The following ABI3BP variants were observed in gnomAD, a reference collection of about 807,000 sequenced individuals.
ABI3BP encodes ABI family member 3 binding protein, also known as target of Nesh-SH3.
Under a neutral mutation model 268.6 loss-of-function variants are expected in ABI3BP, and 216 were observed. The observed-to-expected ratio is 0.80, with a 90% CI of 0.72 to 0.90. The LOEUF is 0.90. ABI3BP is among the 40% of genes least tolerant of loss of function. The pLI, the probability that ABI3BP is intolerant of heterozygous loss-of-function variation, is 0.00. For missense variants in ABI3BP, 2,090 were observed against 2,182.4 expected, an observed-to-expected ratio of 0.96 and a Z score of 0.84; for synonymous variants, 730 against 730.0, an observed-to-expected ratio of 1.00 and a Z score of 0.00.
chr3:100,810,675 C>G (rs958498267), intron 48 of ABI3BP, among the ~76,000 whole-genome samples, 198 bp from the exon 49 acceptor site: 1 of 152,072 alleles, frequency 6.6e-6, no homozygotes. Context: ...CAAAGTACTT[C>G]TAAAGTTCTC....
chr3:100,939,264 G>A (rs2067726380), intron 1 of ABI3BP, among the ~76,000 whole-genome samples: 1 of 152,098 alleles, frequency 6.6e-6, no homozygotes, highest in Non-Finnish European at 1.5e-5. Flanking sequence ...AAAGAGGGAT[G>A]TCGCTGACAG....
At chr3:100,778,610 A>G (rs534627997) in intron 58 of ABI3BP, 2 of 480,442 alleles carry the variant, frequency 4.2e-6, no homozygotes, top group Admixed American at 4.0e-5. Context: ...ACATGTCCTC[A>G]TTATAGATGA....
chr3:100,829,597 C>T lies in ABI3BP; in HGVS notation c.2526G>A (p.Glu842=), dbSNP rs1445655604. 1.1e-5 allele frequency: 17 copies of T among 1,535,414 alleles called. No individual in the cohort carries two copies. The highest frequency in any genetic ancestry group is 1.4e-5 in the Non-Finnish European group (16 of 1,146,384). ...CAAATTTACCCAGTTCAGTCTGAAG[C>T]TCTTCGGGACTCAGTGTGGTTTTAG... ...PKPKTTLSPE[E]LQTELVPATI... The change falls in exon 33 of 68, where the codon GAG becomes GAA. Residue 842 remains glutamate (E), a synonymous_variant. Coordinates refer to ENST00000471714, the MANE Select transcript of ABI3BP (RefSeq NM_001375547.2).
chr3:100,831,230 A>T (rs965774782), intron 31 of ABI3BP, among the ~76,000 whole-genome samples: 1 of 152,052 alleles, frequency 6.6e-6, no homozygotes, highest in Non-Finnish European at 1.5e-5. Flanking sequence ...GAATAGGTGC[A>T]TGTGCTGGGG....
intron 2 of ABI3BP, among the ~76,000 whole-genome samples, chr3:100,909,093 A>G (rs149095558): frequency 0.11 from 16,262 of 152,212 alleles, 1,110 homozygotes; most frequent in Non-Finnish European, 0.15. Context: ...GAGGCCTCAG[A>G]AATAACAGCA....
chr3:100,988,926 A>G (rs749455321), intron 1 of ABI3BP, among the ~76,000 whole-genome samples: 33 of 152,198 alleles, frequency 2.2e-4, no homozygotes, highest in Non-Finnish European at 3.5e-4. Context: ...CTGAGGCACA[A>G]TTTTATGCTC....
In ABI3BP at chr3:100,778,279, C is replaced by T. The variant is rs542058741; in HGVS notation, c.4333+5G>A. ...CGGGAAAAGGAAGGTACATGACTAA[C>T]GTACCTGCACTTCCTGGCTTTCCAG... On this transcript the variant is annotated splice_donor_5th_base_variant and intron_variant, in intron 59 of 67. Transcript: ENST00000471714. 13 of 1,612,614 alleles carry T rather than the reference C, an allele frequency of 8.1e-6. No individual in the cohort carries two copies. Among genetic ancestry groups the T allele is most frequent in the Admixed American group, 5.0e-5 (3 of 59,952 alleles).
Position 100,810,396 on chromosome 3 carries a change from A to C in ABI3BP, c.3607+16T>G. On this transcript the variant is annotated intron_variant, in intron 49 of 67. Transcript: ENST00000471714. ...AACACTCACCTCATATATGACATAC[A>C]AAATAATGTATTTACCAGGTTCAGT... 1 of 1,526,186 alleles carries C rather than the reference A, an allele frequency of 6.6e-7. No individual in the cohort carries two copies. Among genetic ancestry groups the C allele is most frequent in the Non-Finnish European group, 8.8e-7 (1 of 1,138,318 alleles). The allele number at this position is 1,526,186 out of a possible 1,614,324, so 94.5% of individuals were successfully genotyped here.
intron 2 of ABI3BP, among the ~76,000 whole-genome samples, chr3:100,907,220 C>A (rs1182366474): frequency 6.6e-6 from 1 of 152,154 alleles, no homozygotes; most frequent in South Asian, 2.1e-4. Flanking sequence ...AAAGGCCAGG[C>A]ATGGTGGCTC....
intron 3 of ABI3BP, among the ~76,000 whole-genome samples, chr3:100,900,515 T>A (rs1327603972): frequency 6.6e-6 from 1 of 152,220 alleles, no homozygotes; most frequent in Non-Finnish European, 1.5e-5. Context: ...TGGCTCTCTA[T>A]GTATAAAAAT....
At chr3:100,967,125 CTAATA>C (rs2081628244) in intron 1 of ABI3BP, among the ~76,000 whole-genome samples, 1 of 152,034 alleles carries the variant, frequency 6.6e-6, no homozygotes, top group Admixed American at 6.6e-5. Flanking sequence ...TGAATTCTGA[CTAATA>C]AAGGTAAATC....
chr3:100,829,465 C>A, intron 33 of ABI3BP, 116 bp downstream of exon 33: 1 of 915,158 alleles, frequency 1.1e-6, no homozygotes, highest in Non-Finnish European at 1.7e-6. Context: ...CAGCCCTGTT[C>A]CTCATTGCCT....
chr3:100,949,334 C>T (rs2073928783), intron 1 of ABI3BP, among the ~76,000 whole-genome samples: 1 of 152,218 alleles, frequency 6.6e-6, no homozygotes, highest in African/African-American at 2.4e-5. Flanking sequence ...TGGCTCACTG[C>T]AGCTTCTGCC....
chr3:100,804,817 A>G lies in ABI3BP; in HGVS notation c.3732T>C (p.Ser1244=). The G allele has an allele frequency of 1.2e-6, 2 of 1,613,126 alleles. No individual in the cohort carries two copies. Among genetic ancestry groups the G allele is most frequent in the African/African-American group, 2.7e-5 (2 of 75,006 alleles). The change falls in exon 51 of 68, where the codon AGT becomes AGC. Residue 1244 remains serine (S), a synonymous_variant. Transcript: ENST00000471714. The stretch of plus-strand genomic sequence containing the variant: ...CAGGTGTGGTGTATGACACTTCTGG[A>G]CTTGGTGACGTTTTTGGTTTTGCAG... ...RVTAKPKTSP[S]PEVSYTTPAP...
intron 63 of ABI3BP, among the ~76,000 whole-genome samples, chr3:100,764,903 C>G (rs1373820414): frequency 6.6e-6 from 1 of 152,000 alleles, no homozygotes; most frequent in Non-Finnish European, 1.5e-5. Flanking sequence ...AAGAAAAACC[C>G]CATGCTTGTG....
chr3:100,824,900 G>A lies in ABI3BP; in HGVS notation c.2704C>T (p.Pro902Ser), dbSNP rs1298733453. The A allele has an allele frequency of 6.5e-7, 1 of 1,536,186 alleles. No homozygotes were observed. Among genetic ancestry groups the A allele is most frequent in the Non-Finnish European group, 8.7e-7 (1 of 1,146,714 alleles). ...SKRTRPPRPR[P>S]KTTPSPQAPE... is the part of the protein sequence containing the mutation. ...GCCTGAGGGCTCGGTGTAGTTTTAGGTCTGGGACGTGGAGGGCGGGTTCTT... is the reference window on the plus strand; with the variant it reads ...GCCTGAGGGCTCGGTGTAGTTTTAGATCTGGGACGTGGAGGGCGGGTTCTT... Residue 902 changes from proline (P) to serine (S), a missense_variant, in exon 36 of 68, where the codon CCT becomes TCT. Transcript: ENST00000471714.
intron 2 of ABI3BP, among the ~76,000 whole-genome samples, chr3:100,919,296 C>T (rs972986454): frequency 3.3e-5 from 5 of 151,998 alleles, no homozygotes; most frequent in African/African-American, 1.2e-4. Context: ...GTGTAATAAA[C>T]AGTATCAATC....
chr3:100,964,427 C>T (rs1192963767), intron 1 of ABI3BP, among the ~76,000 whole-genome samples: 1 of 152,190 alleles, frequency 6.6e-6, no homozygotes, highest in African/African-American at 2.4e-5. Flanking sequence ...GCCAGCCGGT[C>T]CTTTCTGCTC....
At chr3:100,865,647 C>G (rs2099043482) in intron 10 of ABI3BP, among the ~76,000 whole-genome samples, 1 of 152,158 alleles carries the variant, frequency 6.6e-6, no homozygotes, top group African/African-American at 2.4e-5. Flanking sequence ...CACAATAACC[C>G]TGAGTAATAA....
Sources: allele counts gnomAD v4.1 joint callset (sites outside exome capture counted in the v4.1 genomes callset), GRCh38; gene constraint gnomAD v4.1.1; transcripts MANE v1.5; gene names NCBI Gene and HGNC (gene_info 2026-07-23, HGNC 2026-07-21).